The following WDPCP variants were observed in gnomAD, a reference collection of about 807,000 sequenced individuals.
WDPCP encodes the protein WD repeat-containing and planar cell polarity effector protein fritz homolog.
WDPCP carries 71 observed loss-of-function variants against 93.1 expected under a neutral mutation model. The observed-to-expected ratio is 0.76, with a 90% confidence interval of 0.63 to 0.93. WDPCP has a LOEUF of 0.93. WDPCP is among the 40% of genes least tolerant of loss of function. WDPCP has a pLI of 0.00. For missense variants in WDPCP, 844 were observed against 887.4 expected, an observed-to-expected ratio of 0.95 and a Z score of 0.62; for synonymous variants, 315 against 315.0, an observed-to-expected ratio of 1.00 and a Z score of 0.00.
At chr2:63,431,012 T>G (rs1696717414) in intron 9 of WDPCP, among the ~76,000 whole-genome samples, 1 of 152,192 alleles carries the variant, frequency 6.6e-6, no homozygotes, top group Non-Finnish European at 1.5e-5. Context: ...AGAGCTTATT[T>G]CTATGTTTCC....
intron 1 of WDPCP, among the ~76,000 whole-genome samples, chr2:63,552,735 T>C (rs1029541776): frequency 6.6e-6 from 1 of 152,176 alleles, no homozygotes; most frequent in Non-Finnish European, 1.5e-5. Flanking sequence ...AAAAAAGCTA[T>C]AAATCACTTA....
chr2:63,532,063 A>G (rs1391314100), intron 1 of WDPCP, among the ~76,000 whole-genome samples: 1 of 152,210 alleles, frequency 6.6e-6, no homozygotes, highest in Non-Finnish European at 1.5e-5. Context: ...TACGTGACGC[A>G]TGCACAAGCT....
At chr2:63,578,744 T>G (rs1708284272) in intron 1 of WDPCP, among the ~76,000 whole-genome samples, 1 of 152,188 alleles carries the variant, frequency 6.6e-6, no homozygotes, top group South Asian at 2.1e-4. Flanking sequence ...GTTAGGTTAT[T>G]GATAAAACAC....
At chr2:63,761,100 TC>T (rs1670049161) in intron 2 of WDPCP, among the ~76,000 whole-genome samples, 1 of 152,156 alleles carries the variant, frequency 6.6e-6, no homozygotes. Flanking sequence ...GCAAACTTAA[TC>T]CCAAATGCAA....
At chr2:63,234,426 C>T (rs947613776) in intron 14 of WDPCP, among the ~76,000 whole-genome samples, 1 of 152,052 alleles carries the variant, frequency 6.6e-6, no homozygotes, top group African/African-American at 2.4e-5. Context: ...TGCATTCCAG[C>T]CTGGGTGACA....
chr2:63,797,618 A>C (rs1026962455), intron 2 of WDPCP, among the ~76,000 whole-genome samples: 4 of 152,174 alleles, frequency 2.6e-5, no homozygotes, highest in Admixed American at 6.5e-5. Flanking sequence ...AAGAAAAAAA[A>C]AGAAAAGAAA....
At chr2:63,583,950 A>G (rs967621595) in intron 1 of WDPCP, among the ~76,000 whole-genome samples, 3 of 152,110 alleles carry the variant, frequency 2.0e-5, no homozygotes, top group African/African-American at 7.2e-5. Flanking sequence ...AAAGAAGAAT[A>G]AGAAAAAAAA....
intron 2 of WDPCP, among the ~76,000 whole-genome samples, chr2:63,786,908 C>G (rs1670473785): frequency 6.6e-6 from 1 of 152,072 alleles, no homozygotes; most frequent in Non-Finnish European, 1.5e-5. Flanking sequence ...TTGATGTATT[C>G]CAAGTGCCTC....
intron 2 of WDPCP, among the ~76,000 whole-genome samples, chr2:63,699,304 T>A (rs923629067): frequency 1.3e-5 from 2 of 152,236 alleles, no homozygotes; most frequent in Non-Finnish European, 2.9e-5. Flanking sequence ...CAGATTGTAA[T>A]GAAATTATTC....
At chr2:63,370,800 T>A (rs1455182187) in intron 12 of WDPCP, among the ~76,000 whole-genome samples, 2 of 152,162 alleles carry the variant, frequency 1.3e-5, no homozygotes, top group African/African-American at 4.8e-5. Flanking sequence ...AATTGTTCAT[T>A]GTATTCCCTT....
intron 14 of WDPCP, among the ~76,000 whole-genome samples, chr2:63,197,006 A>G (rs1459252834): frequency 6.6e-6 from 1 of 152,222 alleles, no homozygotes; most frequent in Admixed American, 6.5e-5. Context: ...ATACAGAAAC[A>G]TTGTTAGAGA....
intron 9 of WDPCP, among the ~76,000 whole-genome samples, chr2:63,431,506 T>A (rs184664694): frequency 1.3e-5 from 2 of 152,114 alleles, no homozygotes; most frequent in East Asian, 1.9e-4. Context: ...AAGAGCATAT[T>A]GTATCTTTAT....
intron 10 of WDPCP, among the ~76,000 whole-genome samples, chr2:63,394,733 TGCAGCAAGATG>T (rs1328150790): frequency 6.6e-6 from 1 of 152,158 alleles, no homozygotes; most frequent in Non-Finnish European, 1.5e-5. Context: ...TGATATGCTC[TGCAGCAAGATG>T]GATGCAGCTG....
chr2:63,271,538 T>C (rs1305949566), intron 13 of WDPCP, among the ~76,000 whole-genome samples: 8 of 152,336 alleles, frequency 5.3e-5, no homozygotes, highest in African/African-American at 1.7e-4. Flanking sequence ...TCTAGGGTCC[T>C]TGGGACTGAC....
intron 12 of WDPCP, among the ~76,000 whole-genome samples, chr2:63,376,747 A>G (rs1272210641): frequency 6.6e-6 from 1 of 151,940 alleles, no homozygotes; most frequent in Non-Finnish European, 1.5e-5. Context: ...AGCCTCATTT[A>G]TATGAAGAGT....
chr2:63,706,841 C>T (rs147511109), intron 2 of WDPCP, among the ~76,000 whole-genome samples: 27,487 of 151,752 alleles, frequency 0.18, 2,702 homozygotes, highest in Middle Eastern at 0.27. Flanking sequence ...TGGTCTCGAT[C>T]TCCTGACCTC....
intron 13 of WDPCP, among the ~76,000 whole-genome samples, chr2:63,287,683 C>T (rs1004559614): frequency 6.6e-6 from 1 of 152,200 alleles, no homozygotes; most frequent in Non-Finnish European, 1.5e-5. Context: ...AACACACATG[C>T]ATACACATGC....
chr2:63,162,797 T>A (rs780985671), intron 15 of WDPCP, among the ~76,000 whole-genome samples: 3 of 152,126 alleles, frequency 2.0e-5, no homozygotes, highest in Non-Finnish European at 4.4e-5. Context: ...AAATAGTAAA[T>A]GTCACATAAA....
intron 17 of WDPCP, among the ~76,000 whole-genome samples, chr2:63,129,138 C>A (rs1303122483): frequency 6.6e-6 from 1 of 152,218 alleles, no homozygotes; most frequent in Non-Finnish European, 1.5e-5. Context: ...AATAATATTT[C>A]ATTATATGTA....
Sources: gnomAD v4.1 joint callset for allele counts (sites outside exome capture counted in the v4.1 genomes callset) on GRCh38, gnomAD v4.1.1 for gene constraint, MANE v1.5 for transcripts, NCBI Gene and HGNC (gene_info 2026-07-23, HGNC 2026-07-21) for gene names.